ZMAT4: variants seen among roughly 807,000 people sequenced by gnomAD.
ZMAT4 encodes zinc finger matrin-type 4.
ZMAT4 carries 17 observed loss-of-function variants against 28.7 expected under a neutral mutation model. The observed-to-expected ratio is 0.59, with a 90% CI of 0.41 to 0.89. The LOEUF is 0.89. Among genes scored for constraint, ZMAT4 ranks in the 40% least tolerant of loss-of-function variants. ZMAT4 has a pLI of 0.00. For synonymous variants in ZMAT4, 117 were observed against 109.2 expected (o/e 1.07, Z -0.44); for missense variants, 240 against 283.8 (o/e 0.85, Z 1.11).
intron 1 of ZMAT4, among the ~76,000 whole-genome samples, chr8:40,889,093 T>C (rs1818573050): frequency 6.6e-6 from 1 of 152,200 alleles, no homozygotes; most frequent in African/African-American, 2.4e-5. Flanking sequence ...CCTCAACTTC[T>C]CTGCTTGTGA....
intron 6 of ZMAT4, among the ~76,000 whole-genome samples, chr8:40,551,452 A>T (rs1217850642): frequency 6.6e-6 from 1 of 152,206 alleles, no homozygotes; most frequent in African/African-American, 2.4e-5. Flanking sequence ...AACATTTTGC[A>T]ATTGTGTTAT....
chr8:40,851,162 G>A (rs545332796), intron 1 of ZMAT4, among the ~76,000 whole-genome samples: 1 of 152,130 alleles, frequency 6.6e-6, no homozygotes, highest in South Asian at 2.1e-4. Context: ...CCCTGTCTCT[G>A]CTAAAAATAT....
chr8:40,660,623 C>T (rs1174361731), intron 5 of ZMAT4, among the ~76,000 whole-genome samples: 1 of 152,186 alleles, frequency 6.6e-6, no homozygotes, highest in Non-Finnish European at 1.5e-5. Flanking sequence ...TTTCAGGTAG[C>T]AGTTTTGGTC....
chr8:40,881,323 A>G (rs1818213258), intron 1 of ZMAT4, among the ~76,000 whole-genome samples: 1 of 151,318 alleles, frequency 6.6e-6, no homozygotes, highest in Non-Finnish European at 1.5e-5. Flanking sequence ...CAGGAGGTAG[A>G]GGTTTCAGTG....
At chr8:40,604,413 AG>A (rs1408915538) in intron 5 of ZMAT4, among the ~76,000 whole-genome samples, 2 of 152,110 alleles carry the variant, frequency 1.3e-5, no homozygotes, top group East Asian at 3.8e-4. Flanking sequence ...GATTTTGCTG[AG>A]GGTTTTGATC....
rs1179191611 is a variant in ZMAT4 at position 40,675,390 on chromosome 8, A to AGCCTGGCT, written c.350-460_350-459insAGCCAGGC. Among the ~76,000 whole-genome samples, 255 of 152,302 alleles carry AGCCTGGCT rather than the reference A, an allele frequency of 1.7e-3. 3 individuals are homozygous for AGCCTGGCT. Among genetic ancestry groups the AGCCTGGCT allele is most frequent in the African/African-American group, 5.8e-3 (243 of 41,580 alleles). ...AAAAAAATGTAGTAAAATACAGGGG[A>AGCCTGGCT]CAAGCTCAATGAGCCAGGTAAAACT... On this transcript the variant is annotated intron_variant, in intron 4 of 6. Transcript: ENST00000297737.
At chr8:40,863,563 T>C (rs1022016531) in intron 1 of ZMAT4, among the ~76,000 whole-genome samples, 1 of 152,184 alleles carries the variant, frequency 6.6e-6, no homozygotes, top group African/African-American at 2.4e-5. Flanking sequence ...CTGTAGATGA[T>C]GGGTTCAGTT....
intron 1 of ZMAT4, among the ~76,000 whole-genome samples, chr8:40,838,072 C>T (rs1167850107): frequency 2.0e-5 from 3 of 152,214 alleles, no homozygotes; most frequent in South Asian, 2.1e-4. Context: ...CTTGTCACCT[C>T]GCCAGAGATG....
chr8:40,661,203 C>A (rs895969052), intron 5 of ZMAT4, among the ~76,000 whole-genome samples: 4 of 152,132 alleles, frequency 2.6e-5, no homozygotes, highest in East Asian at 1.9e-4. Flanking sequence ...CAGGTTCAAG[C>A]GATTCTTTTG....
chr8:40,846,705 AGTGGGGACTTG>A (rs1816912606), intron 1 of ZMAT4, among the ~76,000 whole-genome samples: 1 of 152,132 alleles, frequency 6.6e-6, no homozygotes, highest in South Asian at 2.1e-4. Context: ...ATTGCCAAAG[AGTGGGGACTTG>A]GCAGGGCAGA....
intron 5 of ZMAT4, among the ~76,000 whole-genome samples, chr8:40,602,040 A>G (rs1462675674): frequency 6.6e-6 from 1 of 152,128 alleles, no homozygotes; most frequent in Non-Finnish European, 1.5e-5. Flanking sequence ...TTGAGTCTCC[A>G]AAGTACATTG....
intron 5 of ZMAT4, among the ~76,000 whole-genome samples, chr8:40,607,427 G>A (rs534473706): frequency 1.3e-5 from 2 of 152,108 alleles, no homozygotes; most frequent in East Asian, 3.9e-4. Flanking sequence ...ACGGTGCCTG[G>A]CCTATATCTT....
At chr8:40,731,284 A>G (rs766209856) in intron 3 of ZMAT4, among the ~76,000 whole-genome samples, 1 of 151,618 alleles carries the variant, frequency 6.6e-6, no homozygotes, top group Non-Finnish European at 1.5e-5. Flanking sequence ...AAGTAACTGC[A>G]TATGGGCGGG....
chr8:40,711,215 T>C (rs192109418), intron 3 of ZMAT4, among the ~76,000 whole-genome samples: 1 of 152,306 alleles, frequency 6.6e-6, no homozygotes, highest in Admixed American at 6.5e-5. Flanking sequence ...AATGAAGTAT[T>C]TTTTTCTGCT....
intron 2 of ZMAT4, among the ~76,000 whole-genome samples, chr8:40,772,048 G>T (rs1368839315): frequency 6.6e-6 from 1 of 152,126 alleles, no homozygotes; most frequent in African/African-American, 2.4e-5. Flanking sequence ...TACATTAAGG[G>T]AAAAGACATG....
chr8:40,681,302 G>A (rs1809154361), intron 4 of ZMAT4, among the ~76,000 whole-genome samples: 1 of 152,186 alleles, frequency 6.6e-6, no homozygotes, highest in Non-Finnish European at 1.5e-5. Context: ...TCTGCTCCCA[G>A]TGGGGATTAT....
chr8:40,758,570 A>C (rs1463327733), intron 3 of ZMAT4, among the ~76,000 whole-genome samples: 1 of 152,232 alleles, frequency 6.6e-6, no homozygotes, highest in Non-Finnish European at 1.5e-5. Context: ...GACAATGTCT[A>C]ATTTAAAATT....
intron 3 of ZMAT4, among the ~76,000 whole-genome samples, chr8:40,762,955 G>A (rs539572232): frequency 5.3e-5 from 8 of 152,314 alleles, no homozygotes; most frequent in African/African-American, 1.7e-4. Flanking sequence ...TTTCCCTGAA[G>A]ACATTACCAA....
intron 3 of ZMAT4, among the ~76,000 whole-genome samples, chr8:40,713,921 C>CAAAAAAAAAAAAAAAAAAAAAAAA (rs532317102): frequency 4.0e-5 from 2 of 49,976 alleles, no homozygotes; most frequent in South Asian, 7.6e-4. Flanking sequence ...AAAACAAAAC[C>CAAAAAAAAAAAAAAAAAAAAAAAA]AAAAAAAAAA....
Sources: gnomAD v4.1 joint callset for allele counts (sites outside exome capture counted in the v4.1 genomes callset) on GRCh38, gnomAD v4.1.1 for gene constraint, MANE v1.5 for transcripts, NCBI Gene and HGNC (gene_info 2026-07-23, HGNC 2026-07-21) for gene names.